Variants in RIMBP2 observed in about 807,000 individuals in gnomAD.
RIMBP2 encodes RIMS binding protein 2.
Under a neutral mutation model 118.6 loss-of-function variants are expected in RIMBP2, and 48 were observed. The ratio of observed to expected loss-of-function variants is 0.40; its 90% CI spans 0.32 to 0.51. The LOEUF (loss-of-function observed/expected upper bound fraction) is 0.51. Ranked by LOEUF, RIMBP2 falls within the 20% of genes least tolerant of loss-of-function variation. The probability of loss-of-function intolerance (pLI) is 0.41; values close to 1 mark genes in which losing one functional copy is unlikely to be tolerated. For synonymous variants in RIMBP2, 762 were observed against 742.9 expected (o/e 1.03, Z -0.42); for missense variants, 1,551 against 1,768.3 (o/e 0.88, Z 2.20).
intron 2 of RIMBP2, among the ~76,000 whole-genome samples, chr12:130,602,742 G>T (rs1451103210): frequency 1.3e-5 from 2 of 152,212 alleles, no homozygotes; most frequent in Non-Finnish European, 2.9e-5. Context: ...TGGTTCTGTT[G>T]CACCATATTG....
chr12:130,658,616 A>G (rs2063524761), intron 1 of RIMBP2: 1 of 152,208 alleles, frequency 6.6e-6, no homozygotes, highest in Non-Finnish European at 1.5e-5. Context: ...TGCCACTTAA[A>G]TATTCATAGG....
chr12:130,687,266 T>C (rs1390408356), intron 1 of RIMBP2, among the ~76,000 whole-genome samples: 2 of 152,178 alleles, frequency 1.3e-5, no homozygotes, highest in Non-Finnish European at 2.9e-5. Context: ...TCGCTGTCTA[T>C]AAGCAGAATA....
At chr12:130,659,235 GT>G (rs2136326913) in intron 1 of RIMBP2, among the ~76,000 whole-genome samples, 1 of 152,222 alleles carries the variant, frequency 6.6e-6, no homozygotes, top group Non-Finnish European at 1.5e-5. Flanking sequence ...TTCACTCAAT[GT>G]ATCCGAAATA....
At chr12:130,593,506 G>A (rs754903731) in intron 2 of RIMBP2, among the ~76,000 whole-genome samples, 8 of 152,240 alleles carry the variant, frequency 5.3e-5, no homozygotes, top group African/African-American at 1.2e-4. Flanking sequence ...TGCAGGAAGC[G>A]AAGTTCAGCA....
chr12:130,620,704 C>A lies in RIMBP2; in HGVS notation c.-217+7618G>T, dbSNP rs906446306. Among the ~76,000 whole-genome samples the A allele has an allele frequency of 6.6e-6, 1 of 152,186 alleles. No individual in the cohort carries two copies. The highest frequency in any genetic ancestry group is 1.9e-4 in the East Asian group (1 of 5,188). On this transcript the variant is annotated intron_variant, in intron 2 of 22. Transcript: ENST00000690449. The surrounding 1 kb of genome is among the most constrained non-coding windows in gnomAD (Gnocchi z 5.3). The stretch of plus-strand genomic sequence containing the variant: ...CCTGCCAATGTTCTCTGCATCCAAT[C>A]CCCCTCTCTGTAAGGACACCAGTCA...
At chr12:130,591,315 C>T (rs2059244995) in intron 2 of RIMBP2, among the ~76,000 whole-genome samples, 2 of 152,122 alleles carry the variant, frequency 1.3e-5, no homozygotes, top group African/African-American at 4.8e-5. Flanking sequence ...CTGTCCCTGT[C>T]GCAACCACTT....
In RIMBP2 at chr12:130,469,586, C is replaced by T. The variant is rs10848105; in HGVS notation, c.153+1107G>A. Among the ~76,000 whole-genome samples the T allele has an allele frequency of 0.23, 35,079 of 152,144 alleles. 4,991 individuals are homozygous for T. Among genetic ancestry groups the T allele is most frequent in the South Asian group, 0.39 (1,889 of 4,814 alleles). On this transcript the variant is annotated intron_variant, in intron 6 of 22. Coordinates refer to ENST00000690449, the MANE Select transcript of RIMBP2 (RefSeq NM_001393629.1). This position sits in a 1 kb window ranked among gnomAD's most constrained non-coding sequence, Gnocchi z 4.8. ...TTTGCTATTCATCACACTCCTCCCT[C>T]CAGATAGTCATTAACTAATGGAGGC...
At chr12:130,669,469 CG>C (rs1397806686) in intron 1 of RIMBP2, among the ~76,000 whole-genome samples, 1 of 152,068 alleles carries the variant, frequency 6.6e-6, no homozygotes, top group African/African-American at 2.4e-5. Context: ...GCGGTTTCCC[CG>C]TGCTGTTCTC....
chr12:130,535,732 T>C (rs1276285432), intron 2 of RIMBP2, among the ~76,000 whole-genome samples: 3 of 19,484 alleles, frequency 1.5e-4, no homozygotes, highest in Non-Finnish European at 3.7e-4. Flanking sequence ...TATATACATA[T>C]ATATACATAT....
chr12:130,679,843 T>C (rs2064684228), intron 1 of RIMBP2, among the ~76,000 whole-genome samples: 1 of 151,452 alleles, frequency 6.6e-6, no homozygotes, highest in Admixed American at 6.6e-5. Flanking sequence ...GGGAAGGACC[T>C]GTGACTGTGA....
At position 130,480,237 on chromosome 12, in the gene RIMBP2, C is replaced by CACACACACACACACG. The variant is rs59071818; in HGVS notation, c.-3-1222_-3-1221insCGTGTGTGTGTGTGT. On this transcript the variant is annotated intron_variant, in intron 4 of 22. Coordinates refer to ENST00000690449, the MANE Select transcript of RIMBP2 (RefSeq NM_001393629.1). ...CACACACACACACACACACACACAC[C>CACACACACACACACG]TGTGGTAACTTCGTGGTCAACATTT... Among the ~76,000 whole-genome samples, 64 of 150,314 alleles carry CACACACACACACACG rather than the reference C, an allele frequency of 4.3e-4. 1 individual carries two copies. The East Asian group carries it at 4.3e-3, about 10-fold the overall frequency.
intron 5 of RIMBP2, among the ~76,000 whole-genome samples, chr12:130,473,930 A>AAGC (rs75023500): frequency 0.26 from 40,031 of 152,052 alleles, 6,482 homozygotes; most frequent in Non-Finnish European, 0.35. Context: ...TTAAGACTGA[A>AAGC]AGCGGTCATT....
chr12:130,444,609 G>T (rs2078380818), intron 10 of RIMBP2, among the ~76,000 whole-genome samples: 1 of 152,216 alleles, frequency 6.6e-6, no homozygotes, highest in Non-Finnish European at 1.5e-5. Flanking sequence ...AACAAAAGGT[G>T]GGGCCTTTCA....
chr12:130,427,213 T>C (rs777880703), intron 15 of RIMBP2: 3 of 152,206 alleles, frequency 2.0e-5, no homozygotes, highest in Admixed American at 6.5e-5. Flanking sequence ...ACGCCCTCTG[T>C]TCCTGGAGAA....
At chr12:130,412,008 T>G (rs900059383) in intron 19 of RIMBP2, among the ~76,000 whole-genome samples, 2 of 152,182 alleles carry the variant, frequency 1.3e-5, no homozygotes, top group African/African-American at 4.8e-5. Context: ...AGGCTTTTTT[T>G]GAGACTACAG....
At position 130,622,840 on chromosome 12, in the gene RIMBP2, T is replaced by G. The variant is rs2061401918; in HGVS notation, c.-217+5482A>C. Among the ~76,000 whole-genome samples the G allele has an allele frequency of 6.6e-6, 1 of 152,200 alleles. No homozygotes were observed. The highest frequency in any genetic ancestry group is 1.5e-5 in the Non-Finnish European group (1 of 68,032). ...ATAGAAGACAAAATTTCTCTCTCTC[T>G]GACCCTGCTCAATGCTTAGATGTAA... On this transcript the variant is annotated intron_variant, in intron 2 of 22. Coordinates refer to ENST00000690449, the MANE Select transcript of RIMBP2 (RefSeq NM_001393629.1). This position sits in a 1 kb window ranked among gnomAD's most constrained non-coding sequence, Gnocchi z 8.5.
At position 130,446,004 on chromosome 12, in the gene RIMBP2, C is replaced by T. The variant is rs917403056; in HGVS notation, c.582-735G>A. On this transcript the variant is annotated intron_variant, in intron 9 of 22. Coordinates refer to ENST00000690449, the MANE Select transcript of RIMBP2 (RefSeq NM_001393629.1). The surrounding 1 kb of genome is among the most constrained non-coding windows in gnomAD (Gnocchi z 4.1). ...CAGTCAAAATGCTCAGAAAAACAGA[C>T]GCATGATTTTATGCTCCCCCCCCCC... Among the ~76,000 whole-genome samples the T allele has an allele frequency of 2.2e-4, 29 of 132,934 alleles. No homozygotes were observed. Among genetic ancestry groups the T allele is most frequent in the African/African-American group, 6.0e-4 (21 of 34,950 alleles). 87.2% of individuals were successfully genotyped at this position (132,934 alleles called of 152,430 possible). A position where few individuals can be genotyped will look rare whatever the true frequency, so the allele number is the denominator to read the frequency against.
intron 2 of RIMBP2, among the ~76,000 whole-genome samples, chr12:130,588,360 C>T (rs1337816376): frequency 6.6e-6 from 1 of 152,180 alleles, no homozygotes; most frequent in Non-Finnish European, 1.5e-5. Context: ...TTAACATTTT[C>T]TCAAGGAGAC....
chr12:130,544,430 C>T (rs987033942), intron 2 of RIMBP2, among the ~76,000 whole-genome samples: 1 of 152,110 alleles, frequency 6.6e-6, no homozygotes, highest in Non-Finnish European at 1.5e-5. Flanking sequence ...AGCAGGACAA[C>T]CAGCAAGACT....
Sources: gnomAD v4.1 joint callset for allele counts (sites outside exome capture counted in the v4.1 genomes callset) on GRCh38, gnomAD v4.1.1 for gene constraint, Gnocchi (gnomAD v3.1) non-coding constraint, MANE v1.5 for transcripts, NCBI Gene and HGNC (gene_info 2026-07-23, HGNC 2026-07-21) for gene names.